EEFSEC: variants seen among roughly 807,000 people sequenced by gnomAD.
The protein encoded by EEFSEC is eukaryotic elongation factor, selenocysteine-tRNA specific.
A neutral mutation model predicts 42.1 loss-of-function variants in EEFSEC; 43 were observed. That is an observed-to-expected ratio of 1.02 (90% CI 0.80 to 1.32). The LOEUF (loss-of-function observed/expected upper bound fraction) is 1.32. Among genes scored for constraint, EEFSEC ranks in the 40% most tolerant of loss-of-function variants. The pLI is 0.00. For missense variants in EEFSEC, 745 were observed against 803.6 expected (o/e 0.93, Z 0.88); for synonymous variants, 354 against 339.1 (o/e 1.04, Z -0.48).
intron 4 of EEFSEC, among the ~76,000 whole-genome samples, chr3:128,305,139 T>C (rs2066812681): frequency 6.6e-6 from 1 of 152,204 alleles, no homozygotes; most frequent in Admixed American, 6.5e-5. Context: ...CAAGGATTAT[T>C]TTTAATTTTG....
At chr3:128,340,307 C>G (rs1244570967) in intron 4 of EEFSEC, among the ~76,000 whole-genome samples, 1 of 151,838 alleles carries the variant, frequency 6.6e-6, no homozygotes, top group Non-Finnish European at 1.5e-5. Flanking sequence ...CATCACCTGG[C>G]CTTGTTTTCT....
intron 6 of EEFSEC, among the ~76,000 whole-genome samples, chr3:128,390,213 G>A (rs1274715023): frequency 6.6e-6 from 1 of 152,320 alleles, no homozygotes; most frequent in Middle Eastern, 3.4e-3. Context: ...AGTGGGACTT[G>A]GGGTCACTCA....
At chr3:128,329,504 G>T (rs2067103072) in intron 4 of EEFSEC, among the ~76,000 whole-genome samples, 1 of 152,258 alleles carries the variant, frequency 6.6e-6, no homozygotes, top group South Asian at 2.1e-4. Flanking sequence ...TAAAGTGGGG[G>T]TCAAGTGGCG....
chr3:128,302,715 A>T (rs1234073407), intron 4 of EEFSEC, among the ~76,000 whole-genome samples: 1 of 152,102 alleles, frequency 6.6e-6, no homozygotes, highest in Non-Finnish European at 1.5e-5. Flanking sequence ...TCTATCCCAA[A>T]CCCATTCTTT....
At chr3:128,420,265 G>A in the EEFSEC span, among the ~76,000 whole-genome samples, 16 of 152,222 alleles carry the variant, frequency 1.1e-4, no homozygotes, top group East Asian at 3.8e-4. Context: ...TGATTCCCTC[G>A]GATGACGAGG....
At chr3:128,398,033 G>T (rs2068002334) in intron 6 of EEFSEC, among the ~76,000 whole-genome samples, 1 of 152,266 alleles carries the variant, frequency 6.6e-6, no homozygotes, top group Admixed American at 6.5e-5. Flanking sequence ...CTGGAGGAGG[G>T]TGATGAGGAG....
the EEFSEC span, among the ~76,000 whole-genome samples, chr3:128,425,662 G>A: frequency 3.3e-5 from 5 of 152,232 alleles, no homozygotes; most frequent in Non-Finnish European, 7.3e-5. Context: ...GCCAGGCGCG[G>A]TGCTCCCAGT....
downstream of EEFSEC, among the ~76,000 whole-genome samples, chr3:128,411,067 C>T (rs533827543): frequency 5.4e-4 from 82 of 152,332 alleles, 1 homozygote; most frequent in Admixed American, 1.8e-3. Context: ...CTATCAGGCC[C>T]GGCATCGGTG....
At chr3:128,192,911 G>A (rs1455763067) in intron 1 of EEFSEC, among the ~76,000 whole-genome samples, 2 of 152,104 alleles carry the variant, frequency 1.3e-5, no homozygotes, top group Non-Finnish European at 2.9e-5. Flanking sequence ...AGGGCAGGGG[G>A]GCATCTGCTT....
chr3:128,379,525 A>G (rs984399246), intron 6 of EEFSEC, among the ~76,000 whole-genome samples: 5 of 152,244 alleles, frequency 3.3e-5, no homozygotes, highest in African/African-American at 7.2e-5. Context: ...AATATCTGCA[A>G]TTAACATAAA....
chr3:128,223,568 T>G (rs988232684), intron 1 of EEFSEC, among the ~76,000 whole-genome samples: 2 of 152,246 alleles, frequency 1.3e-5, no homozygotes, highest in African/African-American at 4.8e-5. Context: ...GTGATACATA[T>G]TTCCAATTGT....
chr3:128,173,825 T>C (rs918752219), intron 1 of EEFSEC, among the ~76,000 whole-genome samples: 3 of 151,784 alleles, frequency 2.0e-5, no homozygotes, highest in East Asian at 1.9e-4. Context: ...TGGGGAAGAG[T>C]TGAAAATGGA....
Position 128,160,806 on chromosome 3 carries a change from G to GCA in EEFSEC, c.316+7001_316+7002dup, listed in dbSNP as rs148477795. Among the ~76,000 whole-genome samples, 547 of 149,664 alleles carry GCA rather than the reference G, an allele frequency of 3.7e-3. 3 individuals carry two copies. The highest frequency in any genetic ancestry group is 0.013 in the East Asian group (67 of 5,110). On this transcript the variant is annotated intron_variant, in intron 1 of 6. Transcript: ENST00000254730. ...CCACTGTGTGCGCACACACACGCGCGCACACACACACACACACACGAATCC... is the reference window on the plus strand; with the variant it reads ...CCACTGTGTGCGCACACACACGCGCGCACACACACACACACACACACGAATCC...
intron 2 of EEFSEC, among the ~76,000 whole-genome samples, chr3:128,256,374 A>G (rs1036270324): frequency 6.6e-6 from 1 of 152,252 alleles, no homozygotes. Flanking sequence ...GAAGCAGAGA[A>G]TCATAAAAAA....
In EEFSEC at chr3:128,408,056, C is replaced by G; in HGVS notation, c.1601-13C>G. ...GTACGGCAGAGTGACAGGCTCTCTTCTGTGCCTTGCAGGTGGCCTCAGCCC... is the reference window on the plus strand; with the variant it reads ...GTACGGCAGAGTGACAGGCTCTCTTGTGTGCCTTGCAGGTGGCCTCAGCCC... On this transcript the variant is annotated splice_polypyrimidine_tract_variant and intron_variant, in intron 6 of 6. Coordinates refer to ENST00000254730, the MANE Select transcript of EEFSEC (RefSeq NM_021937.5). The G allele has an allele frequency of 6.5e-7, 1 of 1,538,570 alleles. No individual in the cohort carries two copies. Among genetic ancestry groups the G allele is most frequent in the Non-Finnish European group, 8.8e-7 (1 of 1,142,828 alleles).
intron 1 of EEFSEC, among the ~76,000 whole-genome samples, chr3:128,228,869 A>G (rs1173491259): frequency 6.6e-6 from 1 of 152,228 alleles, no homozygotes; most frequent in Non-Finnish European, 1.5e-5. Flanking sequence ...TGAACACTAC[A>G]TTAAATGTCA....
At chr3:128,413,913 GA>G in the EEFSEC span, among the ~76,000 whole-genome samples, 2 of 152,238 alleles carry the variant, frequency 1.3e-5, no homozygotes, top group African/African-American at 4.8e-5. Context: ...GGAGCCACCT[GA>G]AGAGGCACAG....
chr3:128,355,675 C>T (rs1024512652), intron 5 of EEFSEC, among the ~76,000 whole-genome samples: 2 of 150,278 alleles, frequency 1.3e-5, no homozygotes, highest in Non-Finnish European at 1.5e-5. Context: ...CAACTACAAC[C>T]ATGTATTCTT....
chr3:128,358,518 C>A, intron 6 of EEFSEC, 145 bp downstream of exon 6: 1 of 1,193,838 alleles, frequency 8.4e-7, no homozygotes, highest in Non-Finnish European at 1.2e-6. Context: ...TGCCTGGCAG[C>A]ATGGCCTCTG....
Sources: allele counts gnomAD v4.1 joint callset (sites outside exome capture counted in the v4.1 genomes callset), GRCh38; gene constraint gnomAD v4.1.1; transcripts MANE v1.5; gene names NCBI Gene and HGNC (gene_info 2026-07-23, HGNC 2026-07-21).